The following PRPF38A variants were observed in gnomAD, a reference collection of about 807,000 sequenced individuals.
PRPF38A encodes the protein pre-mRNA-splicing factor 38A.
In PRPF38A, 11 loss-of-function variants were observed where a neutral mutation model predicts 46.8. That is an observed-to-expected ratio of 0.24 (90% CI 0.15 to 0.39). PRPF38A has a LOEUF of 0.39. PRPF38A is among the 10% of genes least tolerant of loss of function. The probability of loss-of-function intolerance (pLI) is 1.00; values close to 1 mark genes in which losing one functional copy is unlikely to be tolerated. For synonymous variants in PRPF38A, 124 were observed against 136.2 expected, an observed-to-expected ratio of 0.91 and a Z score of 0.62; for missense variants, 261 against 407.5, an observed-to-expected ratio of 0.64 and a Z score of 3.10.
rs1290911825 is a variant in PRPF38A, at chr1:52,417,201, A to G, written c.*511A>G. ...TGGTTTGTAGCAGTTTTGAAAGAATAGAATGCATTCAAATGTAAGGCTGCT... is the reference window on the plus strand; with the variant it reads ...TGGTTTGTAGCAGTTTTGAAAGAATGGAATGCATTCAAATGTAAGGCTGCT... On this transcript the variant is annotated 3_prime_UTR_variant, in exon 10 of 10. Transcript: ENST00000257181. 4 of 158,508 alleles carry G rather than the reference A, an allele frequency of 2.5e-5. No individual in the cohort carries two copies. Among genetic ancestry groups the G allele is most frequent in the African/African-American group, 9.6e-5 (4 of 41,508 alleles). The allele number at this position is 158,508 out of a possible 1,614,324, so 9.8% of individuals were successfully genotyped here.
chr1:52,411,650 T>C (rs143319871), intron 4 of PRPF38A, among the ~76,000 whole-genome samples: 53 of 152,174 alleles, frequency 3.5e-4, no homozygotes, highest in Non-Finnish European at 7.5e-4. Context: ...ATAAAACAGA[T>C]AAAAATAGGG....
chr1:52,407,184 A>AT (rs1277285094), intron 2 of PRPF38A, among the ~76,000 whole-genome samples: 2 of 151,948 alleles, frequency 1.3e-5, no homozygotes, highest in African/African-American at 2.4e-5. Context: ...CACCCGGCTA[A>AT]TTTTTTGTAT....
At chr1:52,407,988 G>A (rs780401694) in intron 2 of PRPF38A, among the ~76,000 whole-genome samples, 9 of 152,248 alleles carry the variant, frequency 5.9e-5, no homozygotes, top group Non-Finnish European at 1.0e-4. Context: ...CCCAGGAGGT[G>A]GAGGCTGCAG....
intron 5 of PRPF38A, among the ~76,000 whole-genome samples, 154 bp from the exon 6 acceptor site, chr1:52,413,725 G>T (rs910232834): frequency 1.3e-5 from 2 of 152,110 alleles, no homozygotes; most frequent in Non-Finnish European, 2.9e-5. Flanking sequence ...TAGTTAATAG[G>T]GTAAGTGCTT....
At chr1:52,415,682 C>G (rs1648270237) in intron 9 of PRPF38A, among the ~76,000 whole-genome samples, 1 of 151,752 alleles carries the variant, frequency 6.6e-6, no homozygotes, top group South Asian at 2.1e-4. Flanking sequence ...AGGATTGCAG[C>G]TTTGGACAAT....
At chr1:52,416,349 T>C (rs114113898) in intron 9 of PRPF38A, among the ~76,000 whole-genome samples, 1,822 of 149,944 alleles carry the variant, frequency 0.012, 49 homozygotes, top group African/African-American at 0.043. Context: ...CACTCTGTCA[T>C]TGAGGCTGGA....
chr1:52,408,510 G>A, intron 2 of PRPF38A, 59 bp from the exon 3 acceptor site: 1 of 1,611,730 alleles, frequency 6.2e-7, no homozygotes, highest in Middle Eastern at 1.7e-4. Context: ...AGAACAGCTA[G>A]TTGTAAAACT....
Position 52,408,612 on chromosome 1 carries a change from A to C in PRPF38A, c.334A>C (p.Thr112Pro). The C allele has an allele frequency of 6.2e-7, 1 of 1,614,240 alleles. No individual in the cohort carries two copies. Residue 112 changes from threonine (T) to proline (P), a missense_variant, in exon 3 of 10, where the codon ACT becomes CCT. Physicochemically the swap from Thr to Pro is conservative, Grantham distance 38. Around this residue, in one of 2 missense-constraint regions of PRPF38A, gnomAD observed 81 missense variants for 186.5 expected, o/e 0.43. Transcript: ENST00000257181. Reference sequence around the variant, plus strand: ...GGCACTTTACATGAGGCTGACAGGCACTGCAATTGATTGCTACAAGTACTT... The same window carrying C: ...GGCACTTTACATGAGGCTGACAGGCCCTGCAATTGATTGCTACAAGTACTT... ...LGALYMRLTG[T>P]AIDCYKYLEP... is the part of the protein sequence containing the mutation.
chr1:52,404,880 G>A lies in PRPF38A; in HGVS notation c.130+1G>A. 6.2e-7 allele frequency: 1 copy of A among 1,613,418 alleles called. No homozygotes were observed. Among genetic ancestry groups the A allele is most frequent in the Non-Finnish European group, 8.5e-7 (1 of 1,179,734 alleles). ...AAAGAGGAGTGCTTTGGACTTACAG[G>A]TAAGTGGAAGCGCGCGGAGCGCCTC... On this transcript the variant is annotated splice_donor_variant, in intron 1 of 9. Coordinates refer to ENST00000257181, the MANE Select transcript of PRPF38A (RefSeq NM_032864.4). LOFTEE classifies it high-confidence loss of function.
Position 52,404,656 on chromosome 1 carries a change from C to T in PRPF38A, c.-94C>T. 8 of 1,422,934 alleles carry T rather than the reference C, an allele frequency of 5.6e-6. No individual in the cohort carries two copies. The highest frequency in any genetic ancestry group is 4.9e-4 in the Middle Eastern group (2 of 4,104). The allele number at this position is 1,422,934 out of a possible 1,614,324, so 88.1% of individuals were successfully genotyped here. A position where few individuals can be genotyped will look rare whatever the true frequency, so the allele number is the denominator to read the frequency against. ...TCGCCTAAGCTGTTTAGTGAAACTT[C>T]TTCCACCTTTCTCCATTCCTCTAGG... On this transcript the variant is annotated 5_prime_UTR_variant, in exon 1 of 10. Transcript: ENST00000257181.
intron 1 of PRPF38A, 39 bp from the exon 2 acceptor site, chr1:52,405,641 T>TA (rs1647963759): frequency 9.3e-6 from 15 of 1,604,604 alleles, no homozygotes; most frequent in Non-Finnish European, 1.3e-5. Context: ...TAGGAAGAGC[T>TA]TAGCCCTAAT....
At chr1:52,410,031 A>C (rs1355054810) in intron 3 of PRPF38A, among the ~76,000 whole-genome samples, 1 of 150,754 alleles carries the variant, frequency 6.6e-6, no homozygotes, top group Non-Finnish European at 1.5e-5. Flanking sequence ...ATGTATATAT[A>C]TGTATTTGTA....
chr1:52,412,696 G>T (rs1273935877), intron 5 of PRPF38A, 72 bp downstream of exon 5: 2 of 1,059,114 alleles, frequency 1.9e-6, no homozygotes, highest in Non-Finnish European at 2.8e-6. Flanking sequence ...TTTGTTTTTA[G>T]ACTTTAATTT....
rs1648338333 is a variant in PRPF38A, at chr1:52,417,969, C to T, written c.*1279C>T. 6.6e-6 allele frequency: 1 copy of T among 152,388 alleles called. No homozygotes were observed. Among genetic ancestry groups the T allele is most frequent in the African/African-American group, 2.4e-5 (1 of 41,244 alleles). The allele number at this position is 152,388 out of a possible 1,614,324, so 9.4% of individuals were successfully genotyped here. The stretch of plus-strand genomic sequence containing the variant: ...ATTAAGATCTTTGCTAGAAGAGTTC[C>T]TTTACCTGTACTTAACTCCCTTAAA... On this transcript the variant is annotated 3_prime_UTR_variant, in exon 10 of 10. Transcript: ENST00000257181.
chr1:52,405,927 A>C, intron 2 of PRPF38A, 88 bp downstream of exon 2: 1 of 1,084,802 alleles, frequency 9.2e-7, no homozygotes, highest in Non-Finnish European at 1.4e-6. Flanking sequence ...TACACAATGT[A>C]TCTCATTTCT....
At chr1:52,412,862 C>A (rs1215237860) in intron 5 of PRPF38A, among the ~76,000 whole-genome samples, 1 of 151,968 alleles carries the variant, frequency 6.6e-6, no homozygotes, top group African/African-American at 2.4e-5. Context: ...AATTAGCCAG[C>A]GTTGTGGTGG....
chr1:52,408,451 GCTTT>G, intron 2 of PRPF38A, 114 bp from the exon 3 acceptor site: 1 of 1,406,608 alleles, frequency 7.1e-7, no homozygotes, highest in Non-Finnish European at 1.0e-6. Flanking sequence ...CACAATTGCA[GCTTT>G]CTTACCTGCC....
Position 52,418,624 on chromosome 1 carries a change from T to C in PRPF38A, c.*1934T>C, listed in dbSNP as rs777850263. 3.3e-5 allele frequency: 5 copies of C among 152,224 alleles called. No individual in the cohort carries two copies. Among genetic ancestry groups the C allele is most frequent in the Non-Finnish European group, 5.9e-5 (4 of 68,044 alleles). 9.4% of individuals were successfully genotyped at this position (152,224 alleles called of 1,614,324 possible). The stretch of plus-strand genomic sequence containing the variant: ...TCAATAGCAGGAAAGAGAATGTCCC[T>C]ATTCTTTAATTAGAAGAAGGAGGTA... On this transcript the variant is annotated 3_prime_UTR_variant, in exon 10 of 10. Coordinates refer to ENST00000257181, the MANE Select transcript of PRPF38A (RefSeq NM_032864.4).
rs773460853 is a variant in PRPF38A at position 52,417,430 on chromosome 1, T to C, written c.*740T>C. ...GTAGGGTAACGGGATTGAAAAAGATTTGATGGAGAGGAAAGTATCTAATAT... is the reference window on the plus strand; with the variant it reads ...GTAGGGTAACGGGATTGAAAAAGATCTGATGGAGAGGAAAGTATCTAATAT... On this transcript the variant is annotated 3_prime_UTR_variant, in exon 10 of 10. Coordinates refer to ENST00000257181, the MANE Select transcript of PRPF38A (RefSeq NM_032864.4). 6.6e-6 allele frequency: 1 copy of C among 152,178 alleles called. No homozygotes were observed. Among genetic ancestry groups the C allele is most frequent in the Non-Finnish European group, 1.5e-5 (1 of 68,032 alleles). 9.4% of individuals were successfully genotyped at this position (152,178 alleles called of 1,614,324 possible). A position where few individuals can be genotyped will look rare whatever the true frequency, so the allele number is the denominator to read the frequency against.
Sources: gnomAD v4.1 joint callset for allele counts (sites outside exome capture counted in the v4.1 genomes callset) on GRCh38, gnomAD v4.1.1 for gene constraint, gnomAD v4.1.1 regional missense constraint, MANE v1.5 for transcripts, NCBI Gene and HGNC (gene_info 2026-07-23, HGNC 2026-07-21) for gene names.